RAB3GAP1: variants seen among roughly 807,000 people sequenced by gnomAD.
The protein encoded by RAB3GAP1 is RAB3 GTPase activating protein catalytic subunit 1.
Under a neutral mutation model 130.7 loss-of-function variants are expected in RAB3GAP1, and 86 were observed. The observed-to-expected ratio is 0.66, with a 90% CI of 0.55 to 0.79. The LOEUF is 0.79. Among genes scored for constraint, RAB3GAP1 ranks in the 30% least tolerant of loss-of-function variants. The probability of loss-of-function intolerance (pLI) is 0.00; values close to 1 mark genes in which losing one functional copy is unlikely to be tolerated. For missense variants in RAB3GAP1, 1,029 were observed against 1,169.4 expected (o/e 0.88, Z 1.75); for synonymous variants, 367 against 401.7 (o/e 0.91, Z 1.03).
chr2:135,055,602 C>T (rs1688986567), intron 2 of RAB3GAP1, among the ~76,000 whole-genome samples: 1 of 150,850 alleles, frequency 6.6e-6, no homozygotes, highest in South Asian at 2.1e-4. Context: ...TGCTTGAGTC[C>T]TGGAGGACAG....
intron 3 of RAB3GAP1, among the ~76,000 whole-genome samples, chr2:135,065,189 G>A (rs940146226): frequency 1.3e-5 from 2 of 152,046 alleles, no homozygotes; most frequent in Admixed American, 6.6e-5. Context: ...AACTTTGTCC[G>A]GTGTCACCTA....
chr2:135,159,217 G>A (rs1166543410), intron 19 of RAB3GAP1, among the ~76,000 whole-genome samples: 1 of 152,228 alleles, frequency 6.6e-6, no homozygotes, highest in African/African-American at 2.4e-5. Flanking sequence ...TCAAGGAGGT[G>A]AAGCTAATTC....
chr2:135,139,066 G>A (rs1441403008), intron 17 of RAB3GAP1, among the ~76,000 whole-genome samples: 4 of 152,076 alleles, frequency 2.6e-5, no homozygotes, highest in African/African-American at 4.8e-5. Context: ...GTCCTTTCCT[G>A]TGAATCGCCT....
chr2:135,068,961 A>G (rs79160932), intron 3 of RAB3GAP1, among the ~76,000 whole-genome samples: 6,392 of 152,288 alleles, frequency 0.042, 161 homozygotes, highest in African/African-American at 0.055. Flanking sequence ...TGCAACAAAA[A>G]AGATTTTTCA....
intron 2 of RAB3GAP1, 99 bp downstream of exon 2, chr2:135,052,584 C>T: frequency 4.3e-6 from 6 of 1,387,418 alleles, no homozygotes; most frequent in South Asian, 3.5e-5. Flanking sequence ...GCCACTTGTG[C>T]GGGAACGGTA....
chr2:135,067,126 TAAACTTTATATAAACAGTTTA>T (rs1038608665), intron 3 of RAB3GAP1, among the ~76,000 whole-genome samples: 3 of 152,222 alleles, frequency 2.0e-5, no homozygotes, highest in African/African-American at 7.2e-5. Context: ...GGGACTTATA[TAAACTTTATATAAACAGTTTA>T]GATTCCTTTA....
intron 17 of RAB3GAP1, among the ~76,000 whole-genome samples, chr2:135,142,275 G>T (rs1291639813): frequency 6.6e-6 from 1 of 151,920 alleles, no homozygotes; most frequent in Non-Finnish European, 1.5e-5. Flanking sequence ...TATTTCCAAG[G>T]TATTTGTAAT....
chr2:135,097,216 CTTT>C (rs11396739), intron 5 of RAB3GAP1, among the ~76,000 whole-genome samples: 1 of 139,902 alleles, frequency 7.1e-6, no homozygotes. Flanking sequence ...GTCCTTCCCA[CTTT>C]TTTTTTTTTT....
rs188762556 is a variant in RAB3GAP1 at position 135,086,580 on chromosome 2, T to A, written c.151-4418T>A. On this transcript the variant is annotated intron_variant, in intron 3 of 23. Coordinates refer to ENST00000264158, the MANE Select transcript of RAB3GAP1 (RefSeq NM_012233.3). ...AAAAATTTGGATTGTTCATTTTTTT[T>A]ATTATCCTCATATATCCTGGTTGCA... Among the ~76,000 whole-genome samples the A allele has an allele frequency of 3.7e-3, 570 of 152,124 alleles. 3 individuals are homozygous for A. The highest frequency in any genetic ancestry group is 0.01 in the Middle Eastern group (3 of 294).
At chr2:135,063,568 ATTTG>A (rs562741184) in intron 3 of RAB3GAP1, among the ~76,000 whole-genome samples, 244 of 152,178 alleles carry the variant, frequency 1.6e-3, no homozygotes, top group Middle Eastern at 0.014. Flanking sequence ...ATCATACAGT[ATTTG>A]TTTTTTTGTG....
intron 17 of RAB3GAP1, 124 bp from the exon 18 acceptor site, chr2:135,150,245 A>G: frequency 8.3e-7 from 1 of 1,207,936 alleles, no homozygotes; most frequent in Non-Finnish European, 1.2e-6. Flanking sequence ...ATTTCTCTGA[A>G]TTTTTAAAAA....
At chr2:135,131,636 A>G (rs1691547581) in intron 13 of RAB3GAP1, among the ~76,000 whole-genome samples, 1 of 152,206 alleles carries the variant, frequency 6.6e-6, no homozygotes, top group Admixed American at 6.5e-5. Context: ...TAGGTATAAC[A>G]GAGTGGAATG....
At chr2:135,103,034 G>GTTTTTTTTTTTTTTTT (rs1355666279) in intron 5 of RAB3GAP1, among the ~76,000 whole-genome samples, 2 of 100,476 alleles carry the variant, frequency 2.0e-5, no homozygotes, top group Non-Finnish European at 3.5e-5. Flanking sequence ...TCATTTTTGT[G>GTTTTTTTTTTTTTTTT]ATTTTTTTTT....
At chr2:135,129,781 C>G (rs998874387) in intron 11 of RAB3GAP1, among the ~76,000 whole-genome samples, 1 of 151,886 alleles carries the variant, frequency 6.6e-6, no homozygotes, top group Admixed American at 6.6e-5. Context: ...TAAGGAAAAG[C>G]TTTTTAAATA....
At chr2:135,061,104 A>G (rs1434349496) in intron 3 of RAB3GAP1, among the ~76,000 whole-genome samples, 3 of 150,842 alleles carry the variant, frequency 2.0e-5, no homozygotes, top group Non-Finnish European at 4.4e-5. Context: ...TTTACTCACG[A>G]TAATGTTTTT....
chr2:135,147,301 G>A (rs62170252), intron 17 of RAB3GAP1, among the ~76,000 whole-genome samples: 6,324 of 149,948 alleles, frequency 0.042, 151 homozygotes, highest in African/African-American at 0.056. Flanking sequence ...AGCTGAGATC[G>A]CACCGCTGCA....
intron 23 of RAB3GAP1, among the ~76,000 whole-genome samples, chr2:135,166,730 T>A (rs1192400011): frequency 6.6e-6 from 1 of 152,208 alleles, no homozygotes; most frequent in African/African-American, 2.4e-5. Context: ...TACATATGTA[T>A]ATATAATTTT....
At chr2:135,121,853 G>A (rs1691210129) in intron 8 of RAB3GAP1, among the ~76,000 whole-genome samples, 1 of 152,122 alleles carries the variant, frequency 6.6e-6, no homozygotes, top group Non-Finnish European at 1.5e-5. Flanking sequence ...AGCCCTTTGG[G>A]AGGCCAAGGC....
At chr2:135,096,237 C>T (rs10208624) in intron 5 of RAB3GAP1, among the ~76,000 whole-genome samples, 47,604 of 152,076 alleles carry the variant, frequency 0.31, 11,364 homozygotes, top group African/African-American at 0.65. Flanking sequence ...AGGAAGTTTA[C>T]ATACTGGTTT....
Sources: allele counts gnomAD v4.1 joint callset (sites outside exome capture counted in the v4.1 genomes callset), GRCh38; gene constraint gnomAD v4.1.1; transcripts MANE v1.5; gene names NCBI Gene and HGNC (gene_info 2026-07-23, HGNC 2026-07-21).